RB1CC1: variants seen among roughly 807,000 people sequenced by gnomAD.
The protein encoded by RB1CC1 is RB1-inducible coiled-coil protein 1.
RB1CC1 carries 46 observed loss-of-function variants against 177.5 expected under a neutral mutation model. The ratio of observed to expected loss-of-function variants is 0.26; its 90% confidence interval spans 0.20 to 0.33. The LOEUF (loss-of-function observed/expected upper bound fraction) is 0.33, where lower values mean the gene tolerates loss of function less well. RB1CC1 is among the 10% of genes least tolerant of loss of function. The pLI is 1.00. For missense variants in RB1CC1, 1,703 were observed against 1,816.3 expected (o/e 0.94, Z 1.13); for synonymous variants, 666 against 613.6 (o/e 1.09, Z -1.26).
At position 52,656,210 on chromosome 8, in the gene RB1CC1, C is replaced by T; in HGVS notation, c.3619G>A (p.Ala1207Thr). ...KITQQEEKYE[A>T]IIQNLEKDRQ... ...TCTTTCTCAAGGTTCTGGATAATAGCTTCGTATTTCTCTTCTTGTTGGGTA... is the reference window on the plus strand; with the variant it reads ...TCTTTCTCAAGGTTCTGGATAATAGTTTCGTATTTCTCTTCTTGTTGGGTA... Residue 1207 changes from alanine to threonine, a missense_variant, in exon 15 of 24, where the codon GCT becomes ACT. Transcript: ENST00000025008. 1 of 1,613,530 alleles carries T rather than the reference C, an allele frequency of 6.2e-7. No individual in the cohort carries two copies. The highest frequency in any genetic ancestry group is 1.1e-5 in the South Asian group (1 of 90,998).
rs990812810 is a variant in RB1CC1 at position 52,657,405 on chromosome 8, A to G, written c.2424T>C (p.Ser808=). 11 of 1,613,988 alleles carry G rather than the reference A, an allele frequency of 6.8e-6. No individual in the cohort carries two copies. The highest frequency in any genetic ancestry group is 5.3e-5 in the African/African-American group (4 of 75,064). The change falls in exon 15 of 24, where the codon TCT becomes TCC. Residue 808 remains serine, a synonymous_variant. Transcript: ENST00000025008. ...LERCRVVAQD[S]HFSIQTIKED... Reference sequence around the variant, plus strand: ...CCTTAATGGTTTGTATACTGAAGTGAGAGTCTTGGGCAACAACTCTACATC... The same window carrying G: ...CCTTAATGGTTTGTATACTGAAGTGGGAGTCTTGGGCAACAACTCTACATC...
chr8:52,649,347 T>C (rs1850356312), intron 15 of RB1CC1, among the ~76,000 whole-genome samples: 1 of 152,180 alleles, frequency 6.6e-6, no homozygotes, highest in Non-Finnish European at 1.5e-5. Context: ...AAAAGGCATC[T>C]CTAAAGGCTG....
rs751564273 is a variant in RB1CC1, at chr8:52,642,495, A to T, written c.4193T>A (p.Val1398Asp). 1 of 1,614,110 alleles carries T rather than the reference A, an allele frequency of 6.2e-7. No homozygotes were observed. Among genetic ancestry groups the T allele is most frequent in the South Asian group, 1.1e-5 (1 of 91,082 alleles). The change falls in exon 18 of 24, where the codon GTT (valine) becomes GAT (aspartate). Residue 1398 changes from valine to aspartate, a missense_variant. By Grantham distance (152) the Val-to-Asp change is radical. This residue lies in a region of RB1CC1 where 1,169 missense variants were observed against 1,184.7 expected (regional missense o/e 0.99). Transcript: ENST00000025008. ...GGCTGTAGCTACATATGGTGAAGGA[A>T]CAAAACTGCTACTACGCAACTTACT... The part of the protein sequence containing the change: ...EVSKLRSSSF[V>D]PSPYVATAPE...
At chr8:52,653,255 AGAG>A (rs2150458039) in intron 15 of RB1CC1, among the ~76,000 whole-genome samples, 1 of 152,308 alleles carries the variant, frequency 6.6e-6, no homozygotes, top group Non-Finnish European at 1.5e-5. Context: ...AGGAAACAGC[AGAG>A]GGAGATGAGA....
At chr8:52,686,165 C>A (rs1300379594) in intron 2 of RB1CC1, 1 of 152,208 alleles carries the variant, frequency 6.6e-6, no homozygotes, top group East Asian at 1.9e-4. Context: ...GTCTGGAGAT[C>A]AGAATATTTA....
chr8:52,642,688 A>G lies in RB1CC1; in HGVS notation c.4096+16T>C, dbSNP rs774140182. ...ACTTTAAAAAATTAAAAAAAATAGT[A>G]CAAAACAGTACAAACCTTTATCCCG... On this transcript the variant is annotated intron_variant, in intron 17 of 23. Coordinates refer to ENST00000025008, the MANE Select transcript of RB1CC1 (RefSeq NM_014781.5). 1.3e-6 allele frequency: 2 copies of G among 1,570,996 alleles called. No individual in the cohort carries two copies. Among genetic ancestry groups the G allele is most frequent in the South Asian group, 2.4e-5 (2 of 82,226 alleles).
intron 15 of RB1CC1, among the ~76,000 whole-genome samples, chr8:52,653,006 G>C (rs893380070): frequency 1.3e-5 from 2 of 152,098 alleles, no homozygotes; most frequent in Non-Finnish European, 2.9e-5. Flanking sequence ...GTGGTGAAGA[G>C]AGATCACGCC....
At chr8:52,674,865 T>G (rs570910520) in intron 6 of RB1CC1, among the ~76,000 whole-genome samples, 2 of 151,980 alleles carry the variant, frequency 1.3e-5, no homozygotes, top group African/African-American at 2.4e-5. Context: ...CAAATTTAAA[T>G]TTACAAAAAG....
At chr8:52,682,381 T>C (rs1230030885) in intron 5 of RB1CC1, among the ~76,000 whole-genome samples, 1 of 152,190 alleles carries the variant, frequency 6.6e-6, no homozygotes. Context: ...GCTCGGGTTA[T>C]GTCTTTATCA....
intron 14 of RB1CC1, 41 bp from the exon 15 acceptor site, chr8:52,657,949 C>A (rs750815454): frequency 6.2e-7 from 1 of 1,612,632 alleles, no homozygotes; most frequent in South Asian, 1.1e-5. Context: ...TGCAGGAACA[C>A]AAACATTTTA....
Position 52,714,212 on chromosome 8 carries a change from C to A in RB1CC1, c.-304G>T. ...GCTAAGCCGACACAACCGCCGGCGT[C>A]CCGGGCGCCCGCCCGCCGCGGCCCC... is the stretch of plus-strand genomic sequence containing the variant. On this transcript the variant is annotated 5_prime_UTR_variant, in exon 1 of 24. Coordinates refer to ENST00000025008, the MANE Select transcript of RB1CC1 (RefSeq NM_014781.5). 4.5e-6 allele frequency: 1 copy of A among 223,794 alleles called. No homozygotes were observed. The highest frequency in any genetic ancestry group is 9.4e-6 in the Non-Finnish European group (1 of 106,888). The allele number at this position is 223,794 out of a possible 1,614,324, so 13.9% of individuals were successfully genotyped here.
rs772135532 is a variant in RB1CC1, at chr8:52,656,723, T to C, written c.3106A>G (p.Ile1036Val). ...TGTAACTGTTTTTCTTTTTCCTGGA[T>C]AATTTCAGCATGAGATTCTTGTATT... The part of the protein sequence containing the change: ...NQIQESHAEI[I>V]QEKEKQLQEL... Residue 1036 changes from isoleucine (I) to valine (V), a missense_variant, in exon 15 of 24, where the codon ATC (isoleucine) becomes GTC (valine). Coordinates refer to ENST00000025008, the MANE Select transcript of RB1CC1 (RefSeq NM_014781.5). The C allele has an allele frequency of 3.1e-6, 5 of 1,613,662 alleles. No individual in the cohort carries two copies. The highest frequency in any genetic ancestry group is 2.2e-5 in the South Asian group (2 of 90,986).
rs887234300 is a variant in RB1CC1, at chr8:52,623,647, G to A, written c.*135C>T. ...AAATGAAGCCAGTTAAAAAGTAAAC[G>A]ATGTACACCAGTGAAGTATATTGTC... On this transcript the variant is annotated 3_prime_UTR_variant, in exon 24 of 24. Transcript: ENST00000025008. 7.3e-6 allele frequency: 5 copies of A among 688,828 alleles called. No individual in the cohort carries two copies. The highest frequency in any genetic ancestry group is 1.5e-5 in the South Asian group (1 of 66,808). The allele number at this position is 688,828 out of a possible 1,614,324, so 42.7% of individuals were successfully genotyped here. A position where few individuals can be genotyped will look rare whatever the true frequency, so the allele number is the denominator to read the frequency against.
At chr8:52,708,828 G>A (rs757059895) in intron 1 of RB1CC1, among the ~76,000 whole-genome samples, 4 of 152,072 alleles carry the variant, frequency 2.6e-5, no homozygotes, top group African/African-American at 4.8e-5. Context: ...CCATTGATGC[G>A]GTAGTAGCCC....
intron 15 of RB1CC1, among the ~76,000 whole-genome samples, chr8:52,652,833 G>A (rs1850732559): frequency 6.6e-6 from 1 of 152,094 alleles, no homozygotes; most frequent in South Asian, 2.1e-4. Flanking sequence ...TGAGGCAGGT[G>A]GATCACCTGA....
At chr8:52,682,458 A>T (rs1307153025) in intron 5 of RB1CC1, among the ~76,000 whole-genome samples, 1 of 152,160 alleles carries the variant, frequency 6.6e-6, no homozygotes, top group Non-Finnish European at 1.5e-5. Flanking sequence ...TTATGTATTT[A>T]AAAAATATTT....
intron 1 of RB1CC1, among the ~76,000 whole-genome samples, chr8:52,691,467 T>G (rs1854851750): frequency 6.6e-6 from 1 of 152,222 alleles, no homozygotes. Flanking sequence ...GATGAACAAT[T>G]TAAACTATTT....
At chr8:52,672,766 T>C (rs1273579257) in intron 7 of RB1CC1, among the ~76,000 whole-genome samples, 1 of 152,014 alleles carries the variant, frequency 6.6e-6, no homozygotes, top group Non-Finnish European at 1.5e-5. Context: ...CAAAACAAAA[T>C]ACCTTAATTA....
intron 15 of RB1CC1, among the ~76,000 whole-genome samples, chr8:52,653,272 C>T (rs888129711): frequency 6.6e-6 from 1 of 152,048 alleles, no homozygotes; most frequent in African/African-American, 2.4e-5. Context: ...GATGAGAACA[C>T]TGAAATTCAA....
Sources: allele counts gnomAD v4.1 joint callset (sites outside exome capture counted in the v4.1 genomes callset), GRCh38; gene constraint gnomAD v4.1.1; regional missense constraint gnomAD v4.1.1; transcripts MANE v1.5; gene names NCBI Gene and HGNC (gene_info 2026-07-23, HGNC 2026-07-21).